SCRG1: variants seen among roughly 807,000 people sequenced by gnomAD.
The protein encoded by SCRG1 is scrapie-responsive protein 1.
A neutral mutation model predicts 7.7 loss-of-function variants in SCRG1; 3 were observed. That is an observed-to-expected ratio of 0.39 (90% CI 0.18 to 1.01). The LOEUF (loss-of-function observed/expected upper bound fraction) is 1.01, where lower values mean the gene tolerates loss of function less well. SCRG1 is among the 50% of genes least tolerant of loss of function. SCRG1 has a pLI of 0.36. For missense variants in SCRG1, 110 were observed against 117.2 expected (o/e 0.94, Z 0.28); for synonymous variants, 46 against 41.2 (o/e 1.12, Z -0.44).
At chr4:173,433,587 C>G in the SCRG1 span, among the ~76,000 whole-genome samples, 3 of 152,150 alleles carry the variant, frequency 2.0e-5, no homozygotes, top group East Asian at 5.8e-4. Flanking sequence ...TTAGGATGCC[C>G]TATAGGGACT....
chr4:173,516,924 A>G, the SCRG1 span, among the ~76,000 whole-genome samples: 20 of 152,220 alleles, frequency 1.3e-4, no homozygotes, highest in Non-Finnish European at 2.9e-5. Flanking sequence ...AGCGGTGATA[A>G]GGTGCTAGAA....
the SCRG1 span, among the ~76,000 whole-genome samples, chr4:173,412,035 C>T: frequency 1.3e-5 from 2 of 152,212 alleles, no homozygotes; most frequent in African/African-American, 2.4e-5. Flanking sequence ...TCTGCTACTC[C>T]TGCCAACCCT....
At chr4:173,479,237 A>T in the SCRG1 span, among the ~76,000 whole-genome samples, 39 of 152,314 alleles carry the variant, frequency 2.6e-4, no homozygotes, top group African/African-American at 6.3e-4. Flanking sequence ...CCAAGCATGC[A>T]TGACTACTGT....
In SCRG1 at chr4:173,391,397, A is replaced by G. The variant is rs1196822742; in HGVS notation, c.18T>C (p.Leu6=). 1 of 1,614,198 alleles carries G rather than the reference A, an allele frequency of 6.2e-7. No homozygotes were observed. Among genetic ancestry groups the G allele is most frequent in the Admixed American group, 1.7e-5 (1 of 60,034 alleles). Residue 6 remains leucine, a synonymous_variant, in exon 2 of 3, where the codon CTT becomes CTC. Transcript: ENST00000296506. Reference sequence around the variant, plus strand: ...GCAAAGTTAGCCCAATGGTGAAAACAAGTACCATCAGTTTCATTTTGGCTT... The same window carrying G: ...GCAAAGTTAGCCCAATGGTGAAAACGAGTACCATCAGTTTCATTTTGGCTT... MKLMV[L]VFTIGLTLLL... is the part of the protein sequence containing the mutation.
At chr4:173,406,585 GTC>G (rs1373149542), upstream of SCRG1, among the ~76,000 whole-genome samples, 1 of 152,118 alleles carries the variant, frequency 6.6e-6, no homozygotes, top group East Asian at 1.9e-4. Context: ...ATACAGAATA[GTC>G]TCTCTGCCCT....
At chr4:173,443,595 C>T in the SCRG1 span, among the ~76,000 whole-genome samples, 1 of 152,100 alleles carries the variant, frequency 6.6e-6, no homozygotes, top group Non-Finnish European at 1.5e-5. Context: ...GATCACTTTT[C>T]TTTGGAATTT....
At chr4:173,432,985 A>G in the SCRG1 span, among the ~76,000 whole-genome samples, 50 of 152,338 alleles carry the variant, frequency 3.3e-4, 1 homozygote, top group Admixed American at 2.9e-3. Context: ...AGGGCAGAGG[A>G]GGATCTCCCT....
the SCRG1 span, among the ~76,000 whole-genome samples, chr4:173,497,052 G>A: frequency 6.6e-6 from 1 of 152,146 alleles, no homozygotes; most frequent in African/African-American, 2.4e-5. Flanking sequence ...CGTGCAGTGA[G>A]CTGAGATCAC....
At chr4:173,389,973 G>A in intron 2 of SCRG1, 2 of 256,700 alleles carry the variant, frequency 7.8e-6, no homozygotes, top group Non-Finnish European at 1.7e-5. Context: ...TCAATAACCA[G>A]GGGGAAATGA....
the SCRG1 span, among the ~76,000 whole-genome samples, chr4:173,501,123 G>C: frequency 6.6e-6 from 1 of 152,208 alleles, no homozygotes; most frequent in African/African-American, 2.4e-5. This position sits in a 1 kb window ranked among gnomAD's most constrained non-coding sequence, Gnocchi z 5.1. Context: ...AGTGAGGAGT[G>C]TTGGCCCTGG....
At chr4:173,512,041 A>C in the SCRG1 span, among the ~76,000 whole-genome samples, 4 of 152,362 alleles carry the variant, frequency 2.6e-5, no homozygotes, top group East Asian at 7.7e-4. Context: ...GACCCTGCCA[A>C]TTCAAGTACT....
At chr4:173,476,124 A>T in the SCRG1 span, among the ~76,000 whole-genome samples, 1 of 151,840 alleles carries the variant, frequency 6.6e-6, no homozygotes, top group African/African-American at 2.4e-5. Context: ...AAAATAAAAA[A>T]TGCCACTCAC....
the SCRG1 span, among the ~76,000 whole-genome samples, chr4:173,434,035 C>T: frequency 6.6e-6 from 1 of 152,210 alleles, no homozygotes; most frequent in African/African-American, 2.4e-5. Context: ...CAAATTCCCT[C>T]TGTTAAAATA....
At chr4:173,488,334 G>A in the SCRG1 span, among the ~76,000 whole-genome samples, 1 of 152,090 alleles carries the variant, frequency 6.6e-6, no homozygotes, top group South Asian at 2.1e-4. Context: ...TCCATTCTGG[G>A]ATTGGCCAAG....
At chr4:173,485,045 A>G in the SCRG1 span, among the ~76,000 whole-genome samples, 2 of 16,876 alleles carry the variant, frequency 1.2e-4, no homozygotes, top group Non-Finnish European at 2.2e-4. Flanking sequence ...ATTATATATT[A>G]TATAATATAT....
the SCRG1 span, among the ~76,000 whole-genome samples, chr4:173,470,339 C>T: frequency 2.0e-5 from 3 of 152,066 alleles, no homozygotes; most frequent in Admixed American, 2.0e-4. Flanking sequence ...ATGAGAGATG[C>T]AAGACAATGA....
At chr4:173,506,624 G>C in the SCRG1 span, among the ~76,000 whole-genome samples, 3 of 152,162 alleles carry the variant, frequency 2.0e-5, no homozygotes, top group Non-Finnish European at 4.4e-5. The surrounding 1 kb of genome is among the most constrained non-coding windows in gnomAD (Gnocchi z 5.3). Flanking sequence ...GGTAGGGGCG[G>C]GCAGATTTTA....
chr4:173,513,251 G>A, the SCRG1 span, among the ~76,000 whole-genome samples: 1 of 150,488 alleles, frequency 6.6e-6, no homozygotes, highest in Admixed American at 6.6e-5. Flanking sequence ...CTTATTCTTT[G>A]TCCTCATCCA....
chr4:173,458,661 C>T, the SCRG1 span, among the ~76,000 whole-genome samples: 6 of 152,056 alleles, frequency 3.9e-5, no homozygotes, highest in South Asian at 4.2e-4. Context: ...CATCACATCA[C>T]GATGATAAAT....
Sources: allele counts gnomAD v4.1 joint callset (sites outside exome capture counted in the v4.1 genomes callset), GRCh38; gene constraint gnomAD v4.1.1; non-coding constraint Gnocchi (gnomAD v3.1); transcripts MANE v1.5; gene names NCBI Gene and HGNC (gene_info 2026-07-23, HGNC 2026-07-21).